The following EYA3 variants were observed in gnomAD, a reference collection of about 807,000 sequenced individuals.
EYA3 encodes the protein EYA transcriptional coactivator and phosphatase 3, also known as protein phosphatase EYA3.
In EYA3, 39 loss-of-function variants were observed where a neutral mutation model predicts 80.0. The ratio of observed to expected loss-of-function variants is 0.49; its 90% CI spans 0.38 to 0.64. EYA3 has a LOEUF of 0.64. EYA3 is among the 30% of genes least tolerant of loss of function. The pLI, the probability that EYA3 is intolerant of heterozygous loss-of-function variation, is 0.00. For missense variants in EYA3, 523 were observed against 676.1 expected (o/e 0.77, Z 2.51); for synonymous variants, 206 against 232.8 (o/e 0.88, Z 1.05).
chr1:28,062,657 G>GGTAGGTGTGTGTGTGTGTGTGT (rs1553155522), intron 1 of EYA3, among the ~76,000 whole-genome samples: 1 of 141,528 alleles, frequency 7.1e-6, no homozygotes, highest in Non-Finnish European at 1.5e-5. Flanking sequence ...AATATATGTA[G>GGTAGGTGTGTGTGTGTGTGTGT]GTGTGTGTGT....
At chr1:28,043,258 G>A (rs1643881453) in intron 3 of EYA3, among the ~76,000 whole-genome samples, 1 of 149,962 alleles carries the variant, frequency 6.7e-6, no homozygotes, top group Non-Finnish European at 1.5e-5. Context: ...ACATTGCTCT[G>A]CCACTTTTTA....
chr1:27,999,724 AAACT>A (rs1640699832), intron 12 of EYA3, among the ~76,000 whole-genome samples: 1 of 152,140 alleles, frequency 6.6e-6, no homozygotes, highest in African/African-American at 2.4e-5. Flanking sequence ...ACCTCCAAAT[AAACT>A]AACAAAAATC....
chr1:28,012,485 C>G (rs1419353473), intron 9 of EYA3, among the ~76,000 whole-genome samples: 1 of 152,102 alleles, frequency 6.6e-6, no homozygotes, highest in Non-Finnish European at 1.5e-5. Context: ...CAGTGCTTTC[C>G]TCGAACCACA....
intron 1 of EYA3, among the ~76,000 whole-genome samples, chr1:28,067,180 AC>A (rs1180828100): frequency 1.3e-5 from 2 of 152,210 alleles, no homozygotes; most frequent in Non-Finnish European, 1.5e-5. Flanking sequence ...TTAGGTGCTC[AC>A]CCAAGAATTA....
chr1:28,062,277 G>A (rs1644658152), intron 1 of EYA3, among the ~76,000 whole-genome samples: 1 of 152,134 alleles, frequency 6.6e-6, no homozygotes, highest in Admixed American at 6.5e-5. Flanking sequence ...ATTGAGAATA[G>A]AAATAGTATT....
At chr1:28,069,273 G>A (rs1345126783) in intron 1 of EYA3, among the ~76,000 whole-genome samples, 2 of 151,646 alleles carry the variant, frequency 1.3e-5, no homozygotes, top group African/African-American at 2.4e-5. Flanking sequence ...ACCACACTCG[G>A]CTAATTTTTC....
At position 27,971,531 on chromosome 1, in the gene EYA3, T is replaced by C. The variant is rs182789484; in HGVS notation, c.*2935A>G. 1 of 138,420 alleles carries C rather than the reference T, an allele frequency of 7.2e-6. No homozygotes were observed. Among genetic ancestry groups the C allele is most frequent in the East Asian group, 2.1e-4 (1 of 4,822 alleles). 8.6% of individuals were successfully genotyped at this position (138,420 alleles called of 1,614,324 possible). ...ATCGCTTGAACCTGGGAGGCGGAGG[T>C]TGCAGTGAGCCGAGATCATGCCACT... On this transcript the variant is annotated 3_prime_UTR_variant, in exon 18 of 18. Transcript: ENST00000373871.
intron 11 of EYA3, among the ~76,000 whole-genome samples, chr1:28,003,052 C>G (rs1411772494): frequency 7.1e-6 from 1 of 141,434 alleles, no homozygotes; most frequent in African/African-American, 2.6e-5. Context: ...GTCAGGAGAT[C>G]AAGACCATCC....
intron 7 of EYA3, among the ~76,000 whole-genome samples, chr1:28,018,504 GACTA>G (rs1304413100): frequency 2.0e-5 from 3 of 152,188 alleles, no homozygotes; most frequent in Non-Finnish European, 4.4e-5. Context: ...AGGTAGACCT[GACTA>G]ACTGACTACC....
chr1:28,075,057 G>A (rs191547795), intron 1 of EYA3, among the ~76,000 whole-genome samples: 153 of 152,316 alleles, frequency 1.0e-3, no homozygotes, highest in Admixed American at 2.1e-3. Flanking sequence ...AACTACATGT[G>A]TTAGGGCATA....
In EYA3 at chr1:28,035,590, A is replaced by G; in HGVS notation, c.315T>C (p.Tyr105=). The G allele has an allele frequency of 6.2e-7, 1 of 1,614,152 alleles. No homozygotes were observed. The highest frequency in any genetic ancestry group is 8.5e-7 in the Non-Finnish European group (1 of 1,179,990). ...QYQTLQQTQP[Y]AVYPQATQTY... ...TTTGGGTTGCCTGAGGGTAGACAGC[A>G]TAGGGTTGAGTCTGCTGTAGTGTCT... Residue 105 remains tyrosine, a synonymous_variant, in exon 6 of 18, where the codon TAT becomes TAC. Coordinates refer to ENST00000373871, the MANE Select transcript of EYA3 (RefSeq NM_001990.4).
chr1:28,083,531 A>AG (rs1419839467), intron 1 of EYA3, among the ~76,000 whole-genome samples: 2 of 152,152 alleles, frequency 1.3e-5, no homozygotes, highest in Admixed American at 1.3e-4. Flanking sequence ...AAAAAAAAAA[A>AG]GAATAGTACC....
At chr1:28,068,455 T>C (rs1056751886) in intron 1 of EYA3, among the ~76,000 whole-genome samples, 1 of 152,188 alleles carries the variant, frequency 6.6e-6, no homozygotes, top group Non-Finnish European at 1.5e-5. Flanking sequence ...ATCATGTTCT[T>C]AACGTTTTTA....
rs1162729699 is a variant in EYA3 at position 27,988,742 on chromosome 1, AATT to A, written c.1419-89_1419-87del. 2.0e-6 allele frequency: 3 copies of A among 1,470,518 alleles called. No homozygotes were observed. The African/African-American group carries it at 4.3e-5, about 21-fold the overall frequency. 91.1% of individuals were successfully genotyped at this position (1,470,518 alleles called of 1,614,324 possible). On this transcript the variant is annotated intron_variant, in intron 15 of 17. Coordinates refer to ENST00000373871, the MANE Select transcript of EYA3 (RefSeq NM_001990.4). ...CGTATGTGCCAACTCTTTAGAATTTAATTATTAAAAATTAACTTTAAAGGACCT... is the reference window on the plus strand; with the variant it reads ...CGTATGTGCCAACTCTTTAGAATTTAATTAAAAATTAACTTTAAAGGACCT...
intron 12 of EYA3, chr1:27,998,234 AG>A (rs1640591128): frequency 1.3e-6 from 1 of 752,320 alleles, no homozygotes; most frequent in African/African-American, 1.9e-5. Context: ...TCCACTTTTA[AG>A]AAGCTCCCCA....
At chr1:27,990,580 G>A (rs1170053970) in intron 14 of EYA3, 1 of 147,796 alleles carries the variant, frequency 6.8e-6, no homozygotes, top group East Asian at 2.0e-4. Flanking sequence ...CTGAGATGGA[G>A]TCTTGCTCTG....
intron 1 of EYA3, among the ~76,000 whole-genome samples, chr1:28,068,537 C>T (rs573739515): frequency 1.5e-4 from 22 of 151,686 alleles, no homozygotes; most frequent in Non-Finnish European, 1.9e-4. Flanking sequence ...TCCTAAAAAT[C>T]CAAAAATAAC....
chr1:27,976,300 A>G (rs1445480906), intron 17 of EYA3, among the ~76,000 whole-genome samples: 1 of 151,522 alleles, frequency 6.6e-6, no homozygotes, highest in East Asian at 1.9e-4. Context: ...TCTCTACTAA[A>G]AGTACAAAAA....
chr1:28,038,343 G>A (rs1325849302), intron 5 of EYA3, among the ~76,000 whole-genome samples: 2 of 150,878 alleles, frequency 1.3e-5, no homozygotes, highest in African/African-American at 4.9e-5. Flanking sequence ...GGCTGAGGCA[G>A]GAGAATCACT....
Sources: allele counts gnomAD v4.1 joint callset (sites outside exome capture counted in the v4.1 genomes callset), GRCh38; gene constraint gnomAD v4.1.1; transcripts MANE v1.5; gene names NCBI Gene and HGNC (gene_info 2026-07-23, HGNC 2026-07-21).